The following DSEL variants were observed in gnomAD, a reference collection of about 807,000 sequenced individuals.
DSEL encodes dermatan-sulfate epimerase-like protein.
In DSEL, 61 loss-of-function variants were observed where a neutral mutation model predicts 96.6. That is an observed-to-expected ratio of 0.63 (90% CI 0.51 to 0.78). The LOEUF is 0.78. Among genes scored for constraint, DSEL ranks in the 30% least tolerant of loss-of-function variants. The pLI, the probability that DSEL is intolerant of heterozygous loss-of-function variation, is 0.00. For synonymous variants in DSEL, 514 were observed against 502.0 expected (o/e 1.02, Z -0.32); for missense variants, 1,320 against 1,430.8 (o/e 0.92, Z 1.25).
At chr18:67,515,900 CTTTTTTT>C (rs10708052) in intron 1 of DSEL, among the ~76,000 whole-genome samples, 2 of 141,638 alleles carry the variant, frequency 1.4e-5, no homozygotes, top group East Asian at 2.1e-4. Flanking sequence ...TTGAAAAGAT[CTTTTTTT>C]TTTTTTTTTT....
In DSEL at chr18:67,511,650, C is replaced by T. The variant is rs570439551; in HGVS notation, c.2959G>A (p.Ala987Thr). Residue 987 changes from alanine to threonine, a missense_variant, in exon 2 of 2, where the codon GCT becomes ACT. By Grantham distance (58) the Ala-to-Thr change is moderately conservative. Around this residue, in one of 3 missense-constraint regions of DSEL, gnomAD observed 986 missense variants for 1,066.4 expected, o/e 0.92. Transcript: ENST00000310045. The stretch of plus-strand genomic sequence containing the variant: ...TAGTAAACCAGGTGTCTCCTCAAAG[C>T]CCTAATATATTCAGCATCTCTATCA... ...AFDRDAEYIR[A>T]LRRHLVYYPS... The T allele has an allele frequency of 6.2e-7, 1 of 1,614,128 alleles. No individual in the cohort carries two copies. The highest frequency in any genetic ancestry group is 1.3e-5 in the African/African-American group (1 of 75,028).
rs1228504182 is a variant in DSEL at position 67,513,470 on chromosome 18, T to C, written c.1139A>G (p.Gln380Arg). 1 of 1,614,212 alleles carries C rather than the reference T, an allele frequency of 6.2e-7. No homozygotes were observed. Among genetic ancestry groups the C allele is most frequent in the East Asian group, 2.2e-5 (1 of 44,878 alleles). Residue 380 changes from glutamine to arginine, a missense_variant, in exon 2 of 2, where the codon CAA becomes CGA. Coordinates refer to ENST00000310045, the MANE Select transcript of DSEL (RefSeq NM_032160.3). ...KDGPMVPSTAQRWSTLHTEYI... is the reference protein window; with the variant it reads ...KDGPMVPSTARRWSTLHTEYI... ...TTCAGTGTGAAGAGTACTCCACCTT[T>C]GGGCAGTTGAAGGAACCATCGGTCC...
chr18:67,510,813 C>A lies in DSEL; in HGVS notation c.*157G>T. Reference sequence around the variant, plus strand: ...AAATCCTGCTAGGCCAAATATGGTGCCATTTTTTAAAACAATCTCTCTGTG... The same window carrying A: ...AAATCCTGCTAGGCCAAATATGGTGACATTTTTTAAAACAATCTCTCTGTG... On this transcript the variant is annotated 3_prime_UTR_variant, in exon 2 of 2. Transcript: ENST00000310045. 1.8e-6 allele frequency: 1 copy of A among 561,294 alleles called. No homozygotes were observed. The highest frequency in any genetic ancestry group is 2.9e-6 in the Non-Finnish European group (1 of 344,534). 34.8% of individuals were successfully genotyped at this position (561,294 alleles called of 1,614,324 possible).
rs1332993659 is a variant in DSEL at position 67,516,420 on chromosome 18, G to A, written c.-944C>T. ...CTGGGCCCCAAGGGAGACGGAGGTG[G>A]AGAGTTCCAGAAAACTGCTCTGCAC... On this transcript the variant is annotated 5_prime_UTR_variant, in exon 1 of 2. Transcript: ENST00000310045. This position sits in a 1 kb window ranked among gnomAD's most constrained non-coding sequence, Gnocchi z 5.6. The A allele has an allele frequency of 3.3e-5, 5 of 152,240 alleles. No homozygotes were observed. The highest frequency in any genetic ancestry group is 1.2e-4 in the African/African-American group (5 of 41,424). 9.4% of individuals were successfully genotyped at this position (152,240 alleles called of 1,614,324 possible).
At position 67,509,263 on chromosome 18, in the gene DSEL, T is replaced by C. The variant is rs923734802; in HGVS notation, c.*1707A>G. The C allele has an allele frequency of 2.0e-5, 3 of 152,218 alleles. No individual in the cohort carries two copies. The highest frequency in any genetic ancestry group is 2.9e-5 in the Non-Finnish European group (2 of 68,048). The allele number at this position is 152,218 out of a possible 1,614,324, so 9.4% of individuals were successfully genotyped here. On this transcript the variant is annotated 3_prime_UTR_variant, in exon 2 of 2. Transcript: ENST00000310045. ...ATAATGGAAATAGTGTTATCAACCA[T>C]GTAGCATGCAATATTCATGTAGATA...
In DSEL at chr18:67,509,723, A is replaced by T. The variant is rs1278856538; in HGVS notation, c.*1247T>A. 1 of 152,590 alleles carries T rather than the reference A, an allele frequency of 6.6e-6. No individual in the cohort carries two copies. The highest frequency in any genetic ancestry group is 1.5e-5 in the Non-Finnish European group (1 of 68,040). 9.5% of individuals were successfully genotyped at this position (152,590 alleles called of 1,614,324 possible). ...GTACAGAGATTTTCATCAAGTCTCC[A>T]CACTGCCTTATGTTTTCATCCAATA... On this transcript the variant is annotated 3_prime_UTR_variant, in exon 2 of 2. Coordinates refer to ENST00000310045, the MANE Select transcript of DSEL (RefSeq NM_032160.3).
intron 1 of DSEL, among the ~76,000 whole-genome samples, chr18:67,515,900 CT>C (rs10708052): frequency 0.14 from 19,855 of 141,478 alleles, 1,609 homozygotes; most frequent in African/African-American, 0.24. Context: ...TTGAAAAGAT[CT>C]TTTTTTTTTT....
At position 67,515,024 on chromosome 18, in the gene DSEL, G is replaced by A. The variant is rs1370539960; in HGVS notation, c.-416C>T. ...AAATTCAAATTAAGAGTCATTTCTA[G>A]CACAGAAAACCATCACTGGTGATAA... On this transcript the variant is annotated 5_prime_UTR_variant, in exon 2 of 2. Coordinates refer to ENST00000310045, the MANE Select transcript of DSEL (RefSeq NM_032160.3). The A allele has an allele frequency of 2.1e-5, 4 of 193,598 alleles. No individual in the cohort carries two copies. The East Asian group carries it at 6.2e-4, about 30-fold the overall frequency. 12.0% of individuals were successfully genotyped at this position (193,598 alleles called of 1,614,324 possible).
rs956846193 is a variant in DSEL, at chr18:67,511,064, C to T, written c.3545G>A (p.Trp1182Ter). 1 of 1,613,800 alleles carries T rather than the reference C, an allele frequency of 6.2e-7. No individual in the cohort carries two copies. Among genetic ancestry groups the T allele is most frequent in the East Asian group, 2.2e-5 (1 of 44,864 alleles). The change falls in exon 2 of 2, where the codon TGG becomes TAG. Residue 1182 changes from tryptophan to a stop codon, truncating the protein, a stop_gained. Transcript: ENST00000310045. LOFTEE classifies it high-confidence loss of function. ...TTCATCTCTAGGCAAGTTCTGTTTC[C>T]AAACATTAGTATTAGTTGGTGATAT... is the stretch of plus-strand genomic sequence containing the variant. ...GEISPTNTNV[W>*]KQNLPRDEIK...
At position 67,513,013 on chromosome 18, in the gene DSEL, C is replaced by G. The variant is rs774556726; in HGVS notation, c.1596G>C (p.Glu532Asp). The change falls in exon 2 of 2, where the codon GAG (glutamate) becomes GAC (aspartate). Residue 532 changes from glutamate (E) to aspartate (D), a missense_variant. By Grantham distance (45) the Glu-to-Asp change is conservative. This residue lies in a region of DSEL where 986 missense variants were observed against 1,066.4 expected (regional missense o/e 0.92). Transcript: ENST00000310045. ...TTATTTCCCCAGCTGCATCACCAAC[C>G]TCCTCGCCAGTCCACTTAAGCCACT... ...CAQWLKWTGEEVGDAAGEIIT... is the reference protein window; with the variant it reads ...CAQWLKWTGEDVGDAAGEIIT... 2 of 1,614,214 alleles carry G rather than the reference C, an allele frequency of 1.2e-6. No homozygotes were observed. Among genetic ancestry groups the G allele is most frequent in the Non-Finnish European group, 1.7e-6 (2 of 1,180,046 alleles).
At position 67,514,754 on chromosome 18, in the gene DSEL, T is replaced by C. The variant is rs2089466298; in HGVS notation, c.-146A>G. The C allele has an allele frequency of 1.1e-6, 1 of 933,200 alleles. No individual in the cohort carries two copies. Among genetic ancestry groups the C allele is most frequent in the Admixed American group, 2.7e-5 (1 of 37,010 alleles). 57.8% of individuals were successfully genotyped at this position (933,200 alleles called of 1,614,324 possible). On this transcript the variant is annotated 5_prime_UTR_variant, in exon 2 of 2. An upstream open reading frame in the 5' UTR loses its in-frame stop. Transcript: ENST00000310045. ...ATATGCTGTGAAATCCAGCTGACAT[T>C]CAGTACATTTTAAGCAAGTGCAGTT... is the stretch of plus-strand genomic sequence containing the variant.
Position 67,508,731 on chromosome 18 carries a change from C to CTTTTTTTTTT in DSEL, c.*2229_*2238dup, listed in dbSNP as rs71171183. On this transcript the variant is annotated 3_prime_UTR_variant, in exon 2 of 2. Coordinates refer to ENST00000310045, the MANE Select transcript of DSEL (RefSeq NM_032160.3). ...TGCCAACAGGTACATTTCTTTTTTT[C>CTTTTTTTTTT]TTTTTTTTTTTTTTTTGAGGCGGAG... 7.9e-6 allele frequency: 1 copy of CTTTTTTTTTT among 126,810 alleles called. No homozygotes were observed. Among genetic ancestry groups the CTTTTTTTTTT allele is most frequent in the African/African-American group, 3.0e-5 (1 of 33,264 alleles). The allele number at this position is 126,810 out of a possible 1,614,324, so 7.9% of individuals were successfully genotyped here.
Position 67,507,875 on chromosome 18 carries a change from T to C in DSEL, c.*3095A>G, listed in dbSNP as rs1004886018. 2.0e-5 allele frequency: 3 copies of C among 152,246 alleles called. No individual in the cohort carries two copies. The highest frequency in any genetic ancestry group is 7.2e-5 in the African/African-American group (3 of 41,472). 9.4% of individuals were successfully genotyped at this position (152,246 alleles called of 1,614,324 possible). ...CTATGCAGATTTAGCTTCTTTCTCC[T>C]GAGCAGATTTTCCTATTTCCTCTGA... On this transcript the variant is annotated 3_prime_UTR_variant, in exon 2 of 2. Transcript: ENST00000310045.
Position 67,510,898 on chromosome 18 carries a change from ACT to A in DSEL, c.*70_*71del. 7.7e-7 allele frequency: 1 copy of A among 1,295,388 alleles called. No homozygotes were observed. Among genetic ancestry groups the A allele is most frequent in the Non-Finnish European group, 1.1e-6 (1 of 940,658 alleles). 80.2% of individuals were successfully genotyped at this position (1,295,388 alleles called of 1,614,324 possible). On this transcript the variant is annotated 3_prime_UTR_variant, in exon 2 of 2. Coordinates refer to ENST00000310045, the MANE Select transcript of DSEL (RefSeq NM_032160.3). ...CACACACACACTAAAGAATAAACAAACTCTTCTGATTCATATCCACAAAGTGG... is the reference window on the plus strand; with the variant it reads ...CACACACACACTAAAGAATAAACAAACTTCTGATTCATATCCACAAAGTGG...
In DSEL at chr18:67,512,556, GC is replaced by G. The variant is rs1366182992; in HGVS notation, c.2052del (p.Pro685HisfsTer34). 1 of 1,613,974 alleles carries G rather than the reference GC, an allele frequency of 6.2e-7. No homozygotes were observed. Among genetic ancestry groups the G allele is most frequent in the East Asian group, 2.2e-5 (1 of 44,892 alleles). ...CTGCAGCTGGAGACATTGATATATG[GC>G]CCATAAAAGACATATGCAATTCTTG... is the stretch of plus-strand genomic sequence containing the variant. ...TITRIAYVFY[G>X]PYINVSSCRF... is the part of the protein sequence containing the mutation. On this transcript the variant is annotated frameshift_variant, in exon 2 of 2. Transcript: ENST00000310045. LOFTEE classifies it high-confidence loss of function.
Position 67,510,960 on chromosome 18 carries a change from C to T in DSEL, c.*10G>A. ...TATTATTAGTGCAAATTTCTGCTGA[C>T]CTGCAGCATTTAGTCCATAAACTTT... On this transcript the variant is annotated 3_prime_UTR_variant, in exon 2 of 2. Transcript: ENST00000310045. The T allele has an allele frequency of 6.5e-7, 1 of 1,548,576 alleles. No individual in the cohort carries two copies.
Position 67,511,136 on chromosome 18 carries a change from A to G in DSEL, c.3473T>C (p.Leu1158Ser). 6.2e-7 allele frequency: 1 copy of G among 1,614,174 alleles called. No homozygotes were observed. Residue 1158 changes from leucine to serine, a missense_variant, in exon 2 of 2, where the codon TTG becomes TCG. By Grantham distance (145) the Leu-to-Ser change is moderately radical. This residue lies in a region of DSEL where 986 missense variants were observed against 1,066.4 expected (regional missense o/e 0.92). Transcript: ENST00000310045. ...AAAAAGGTTTGTAGAGGTGGCAAAC[A>G]ATATTTGGTTTAAACTAGCAGGAGA... is the stretch of plus-strand genomic sequence containing the variant. ...PLSPASLNQI[L>S]FATSTNLFYL...
Position 67,513,460 on chromosome 18 carries a change from A to G in DSEL, c.1149T>C (p.Ser383=), listed in dbSNP as rs755216534. The change falls in exon 2 of 2, where the codon AGT becomes AGC. Residue 383 remains serine (S), a synonymous_variant. Transcript: ENST00000310045. Reference sequence around the variant, plus strand: ...ACCAGATGTATTCAGTGTGAAGAGTACTCCACCTTTGGGCAGTTGAAGGAA... The same window carrying G: ...ACCAGATGTATTCAGTGTGAAGAGTGCTCCACCTTTGGGCAGTTGAAGGAA... ...PMVPSTAQRW[S]TLHTEYIWYD... is the part of the protein sequence containing the mutation. 3.2e-5 allele frequency: 52 copies of G among 1,613,986 alleles called. No individual in the cohort carries two copies. Among genetic ancestry groups the G allele is most frequent in the Non-Finnish European group, 4.3e-5 (51 of 1,180,006 alleles).
rs774880644 is a variant in DSEL at position 67,512,967 on chromosome 18, C to T, written c.1642G>A (p.Glu548Lys). Residue 548 changes from glutamate (E) to lysine (K), a missense_variant, in exon 2 of 2, where the codon GAA (glutamate) becomes AAA (lysine). Transcript: ENST00000310045. Reference protein sequence around the residue: ...GEIITASQHGEMVFVSGEAVS... With the variant: ...GEIITASQHGKMVFVSGEAVS... ...GCTTCCCCACTCACAAATACCATTTCCCCATGTTGAGAGGCAGTGATTATT... is the reference window on the plus strand; with the variant it reads ...GCTTCCCCACTCACAAATACCATTTTCCCATGTTGAGAGGCAGTGATTATT... 20 of 1,614,044 alleles carry T rather than the reference C, an allele frequency of 1.2e-5. No homozygotes were observed. The highest frequency in any genetic ancestry group is 4.0e-5 in the African/African-American group (3 of 74,914).
Sources: allele counts gnomAD v4.1 joint callset (sites outside exome capture counted in the v4.1 genomes callset), GRCh38; gene constraint gnomAD v4.1.1; regional missense constraint gnomAD v4.1.1; non-coding constraint Gnocchi (gnomAD v3.1); transcripts MANE v1.5; gene names NCBI Gene and HGNC (gene_info 2026-07-23, HGNC 2026-07-21).